CDH4: variants seen among roughly 807,000 people sequenced by gnomAD.
CDH4 encodes cadherin-4.
In CDH4, 33 loss-of-function variants were observed where a neutral mutation model predicts 86.0. The observed-to-expected ratio is 0.38, with a 90% confidence interval of 0.29 to 0.51. The LOEUF (loss-of-function observed/expected upper bound fraction) is 0.51. CDH4 is among the 20% of genes least tolerant of loss of function. CDH4 has a pLI of 0.86. For synonymous variants in CDH4, 555 were observed against 549.4 expected, an observed-to-expected ratio of 1.01 and a Z score of -0.14; for missense variants, 1,114 against 1,307.4, an observed-to-expected ratio of 0.85 and a Z score of 2.28.
At chr20:61,530,625 G>A (rs778588319) in intron 2 of CDH4, among the ~76,000 whole-genome samples, 13 of 152,108 alleles carry the variant, frequency 8.5e-5, no homozygotes, top group Non-Finnish European at 1.5e-4. Flanking sequence ...AGAGGCCCTC[G>A]GAAAATAGAG....
intron 2 of CDH4, among the ~76,000 whole-genome samples, chr20:61,687,074 GTGAT>G (rs2087590034): frequency 6.6e-6 from 1 of 152,118 alleles, no homozygotes; most frequent in Non-Finnish European, 1.5e-5. Context: ...ACGGTGGCAG[GTGAT>G]TGATTAGGCG....
intron 8 of CDH4, among the ~76,000 whole-genome samples, chr20:61,909,055 C>T (rs2054822144): frequency 6.6e-6 from 1 of 152,222 alleles, no homozygotes; most frequent in African/African-American, 2.4e-5. Flanking sequence ...TACAGTCACA[C>T]TCTGAGGCCT....
intron 2 of CDH4, among the ~76,000 whole-genome samples, chr20:61,705,978 G>A (rs1236838107): frequency 1.3e-5 from 2 of 152,234 alleles, no homozygotes; most frequent in Admixed American, 6.5e-5. Context: ...AAAGGCGCCT[G>A]TGGATTTCTC....
At chr20:61,931,764 G>C (rs969778980) in intron 13 of CDH4, among the ~76,000 whole-genome samples, 2 of 152,186 alleles carry the variant, frequency 1.3e-5, no homozygotes, top group African/African-American at 2.4e-5. Flanking sequence ...CTGTTTAGGG[G>C]AGCCAGGGCT....
chr20:61,797,892 G>A (rs1979619583), intron 4 of CDH4, among the ~76,000 whole-genome samples: 1 of 152,232 alleles, frequency 6.6e-6, no homozygotes. Context: ...CTCAGGTAGG[G>A]CATGGCTGCA....
chr20:61,761,944 G>GGCAGGCAGCTCCGCACA (rs2088639119), intron 3 of CDH4, among the ~76,000 whole-genome samples: 3 of 151,778 alleles, frequency 2.0e-5, no homozygotes, highest in Non-Finnish European at 2.9e-5. Context: ...AGCGCCGCAC[G>GGCAGGCAGCTCCGCACA]GCAGGCAGCT....
In CDH4 at chr20:61,509,089, C is replaced by T. The variant is rs557103797; in HGVS notation, c.170-234474C>T. On this transcript the variant is annotated intron_variant, in intron 2 of 15. Coordinates refer to ENST00000614565, the MANE Select transcript of CDH4 (RefSeq NM_001794.5). The stretch of plus-strand genomic sequence containing the variant: ...CTGTGCCTGGTTGGAGCAGCAAACC[C>T]TACACCCCTGCAGATGGTAGGGTGG... Among the ~76,000 whole-genome samples, 133 of 152,270 alleles carry T rather than the reference C, an allele frequency of 8.7e-4. 1 individual carries two copies. The highest frequency in any genetic ancestry group is 1.5e-3 in the Non-Finnish European group (101 of 68,006).
chr20:61,404,098 C>T (rs543009080), intron 2 of CDH4, among the ~76,000 whole-genome samples: 1 of 152,286 alleles, frequency 6.6e-6, no homozygotes, highest in South Asian at 2.1e-4. Context: ...GGGCACTGGG[C>T]AAGGAGACAC....
chr20:61,541,613 TCCTG>T (rs1387502088), intron 2 of CDH4, among the ~76,000 whole-genome samples: 1 of 152,232 alleles, frequency 6.6e-6, no homozygotes, highest in East Asian at 1.9e-4. Flanking sequence ...TCCCGTGATC[TCCTG>T]CCTTCTCCAG....
At chr20:61,279,962 T>C (rs2084250103) in intron 2 of CDH4, among the ~76,000 whole-genome samples, 1 of 152,180 alleles carries the variant, frequency 6.6e-6, no homozygotes, top group Admixed American at 6.5e-5. Context: ...GGAGATGGCC[T>C]TCTCAAGGCA....
At position 61,565,307 on chromosome 20, in the gene CDH4, T is replaced by TTGGTGATGGGGAGG. The variant is rs764588345; in HGVS notation, c.170-178251_170-178250insATGGGGAGGTGGTG. Among the ~76,000 whole-genome samples, 29 of 42,560 alleles carry TTGGTGATGGGGAGG rather than the reference T, an allele frequency of 6.8e-4. 1 individual carries two copies. The highest frequency in any genetic ancestry group is 1.1e-3 in the Non-Finnish European group (23 of 21,110). 27.9% of individuals were successfully genotyped at this position (42,560 alleles called of 152,430 possible). A position where few individuals can be genotyped will look rare whatever the true frequency, so the allele number is the denominator to read the frequency against. On this transcript the variant is annotated intron_variant, in intron 2 of 15. Transcript: ENST00000614565. ...TGGGGTGATGGTGGTGGCGGTGCTC[T>TTGGTGATGGGGAGG]TGGTGGTGGCGGTGCTCTTGGTGAT...
intron 2 of CDH4, among the ~76,000 whole-genome samples, chr20:61,282,090 G>A (rs982573149): frequency 1.3e-5 from 2 of 152,224 alleles, no homozygotes; most frequent in Admixed American, 6.5e-5. Flanking sequence ...TGGGCATGGT[G>A]GCTCACGCCT....
At chr20:61,312,862 A>G (rs993688029) in intron 2 of CDH4, among the ~76,000 whole-genome samples, 1 of 152,056 alleles carries the variant, frequency 6.6e-6, no homozygotes, top group Non-Finnish European at 1.5e-5. Context: ...TTTCCCACCC[A>G]TCCTCGGCTT....
intron 2 of CDH4, among the ~76,000 whole-genome samples, chr20:61,279,726 G>A (rs1329248855): frequency 1.3e-5 from 2 of 152,202 alleles, no homozygotes; most frequent in African/African-American, 4.8e-5. Flanking sequence ...AAATGGGGCA[G>A]TCTGGACCTC....
At chr20:61,331,954 G>A (rs555987737) in intron 2 of CDH4, among the ~76,000 whole-genome samples, 5 of 152,262 alleles carry the variant, frequency 3.3e-5, no homozygotes, top group South Asian at 4.1e-4. Context: ...TCGCCTGTGC[G>A]CCCCACAGGG....
In CDH4 at chr20:61,383,746, G is replaced by T. The variant is rs117842450; in HGVS notation, c.169+128809G>T. 3.6e-3 allele frequency among the ~76,000 whole-genome samples: 256 copies of T among 70,460 alleles called. 1 individual carries two copies. The highest frequency in any genetic ancestry group is 6.8e-3 in the Middle Eastern group (1 of 148). The allele number at this position is 70,460 out of a possible 152,430, so 46.2% of individuals were successfully genotyped here. A position where few individuals can be genotyped will look rare whatever the true frequency, so the allele number is the denominator to read the frequency against. ...TATATAAATATATGATATATATGAA[G>T]ATATATGCATATATATGAAGATATA... On this transcript the variant is annotated intron_variant, in intron 2 of 15. Coordinates refer to ENST00000614565, the MANE Select transcript of CDH4 (RefSeq NM_001794.5).
At chr20:61,695,278 G>T (rs529024789) in intron 2 of CDH4, among the ~76,000 whole-genome samples, 1 of 152,258 alleles carries the variant, frequency 6.6e-6, no homozygotes, top group Non-Finnish European at 1.5e-5. Context: ...CCAGTTGCCC[G>T]CAGAGGCGTC....
rs1412976634 is a variant in CDH4, at chr20:61,510,975, TCA to T, written c.170-232584_170-232583del. ...AGAGAGAAAGTTGGGGGCGGCTGTC[TCA>T]CACTTTTTAATAACCAGATTCCCTG... On this transcript the variant is annotated intron_variant, in intron 2 of 15. Coordinates refer to ENST00000614565, the MANE Select transcript of CDH4 (RefSeq NM_001794.5). This position sits in a 1 kb window ranked among gnomAD's most constrained non-coding sequence, Gnocchi z 4.2. Among the ~76,000 whole-genome samples, 1 of 151,948 alleles carries T rather than the reference TCA, an allele frequency of 6.6e-6. No homozygotes were observed. Among genetic ancestry groups the T allele is most frequent in the Non-Finnish European group, 1.5e-5 (1 of 67,998 alleles).
intron 5 of CDH4, among the ~76,000 whole-genome samples, chr20:61,847,526 C>T (rs1420622732): frequency 6.6e-6 from 1 of 152,154 alleles, no homozygotes; most frequent in Non-Finnish European, 1.5e-5. Context: ...TCCTGCCATG[C>T]CGTGCAAACA....
Sources: allele counts gnomAD v4.1 joint callset (sites outside exome capture counted in the v4.1 genomes callset), GRCh38; gene constraint gnomAD v4.1.1; non-coding constraint Gnocchi (gnomAD v3.1); transcripts MANE v1.5; gene names NCBI Gene and HGNC (gene_info 2026-07-23, HGNC 2026-07-21).